The following IGF2BP2 variants were observed in gnomAD, a reference collection of about 807,000 sequenced individuals.
The protein encoded by IGF2BP2 is insulin like growth factor 2 mRNA binding protein 2, also known as insulin-like growth factor 2 mRNA-binding protein 2.
IGF2BP2 carries 17 observed loss-of-function variants against 75.8 expected under a neutral mutation model. The observed-to-expected ratio is 0.22, with a 90% CI of 0.15 to 0.34. IGF2BP2 has a LOEUF of 0.34. IGF2BP2 is among the 10% of genes least tolerant of loss of function. The pLI, the probability that IGF2BP2 is intolerant of heterozygous loss-of-function variation, is 1.00. For synonymous variants in IGF2BP2, 288 were observed against 295.6 expected, an observed-to-expected ratio of 0.97 and a Z score of 0.26; for missense variants, 516 against 772.4, an observed-to-expected ratio of 0.67 and a Z score of 3.93.
chr3:185,807,963 A>G (rs1739246557), intron 2 of IGF2BP2, among the ~76,000 whole-genome samples: 1 of 152,180 alleles, frequency 6.6e-6, no homozygotes, highest in African/African-American at 2.4e-5. Context: ...GATCCTCAGG[A>G]AACATGTGAG....
chr3:185,665,362 G>A (rs1717248548), intron 10 of IGF2BP2, among the ~76,000 whole-genome samples: 1 of 129,374 alleles, frequency 7.7e-6, no homozygotes. Flanking sequence ...GGAGGAGAAG[G>A]AGGAGGAGGA....
chr3:185,725,371 T>C (rs1281647665), intron 2 of IGF2BP2, among the ~76,000 whole-genome samples: 2 of 152,232 alleles, frequency 1.3e-5, no homozygotes, highest in African/African-American at 2.4e-5. Context: ...TGGGCTGAGG[T>C]TGTCGGCAGG....
At chr3:185,675,948 T>TA in intron 7 of IGF2BP2, 35 bp from the exon 8 acceptor site, 1 of 1,610,448 alleles carries the variant, frequency 6.2e-7, no homozygotes, top group Non-Finnish European at 8.5e-7. Context: ...ACACTTCAGA[T>TA]ACGTATAACG....
chr3:185,706,240 C>A (rs572379408), intron 2 of IGF2BP2, among the ~76,000 whole-genome samples: 33 of 152,162 alleles, frequency 2.2e-4, no homozygotes, highest in African/African-American at 7.9e-4. Context: ...TAATACTATT[C>A]ATTTTTTAAT....
At chr3:185,798,033 CTCTATTAAGAA>C (rs930277762) in intron 2 of IGF2BP2, among the ~76,000 whole-genome samples, 5 of 151,822 alleles carry the variant, frequency 3.3e-5, no homozygotes, top group African/African-American at 1.2e-4. Flanking sequence ...GAAATCCCAT[CTCTATTAAGAA>C]TATAAAATTA....
intron 7 of IGF2BP2, among the ~76,000 whole-genome samples, chr3:185,685,066 G>A (rs974938603): frequency 6.6e-6 from 1 of 152,158 alleles, no homozygotes; most frequent in Non-Finnish European, 1.5e-5. Flanking sequence ...CAAGGAAGGT[G>A]GCTGGGCGCA....
chr3:185,767,421 A>G (rs1024960456), intron 2 of IGF2BP2, among the ~76,000 whole-genome samples: 1 of 152,224 alleles, frequency 6.6e-6, no homozygotes, highest in Non-Finnish European at 1.5e-5. Context: ...TCCCATTTCC[A>G]TAAGATGTTA....
At chr3:185,777,170 C>A (rs1402475891) in intron 2 of IGF2BP2, among the ~76,000 whole-genome samples, 2 of 152,072 alleles carry the variant, frequency 1.3e-5, no homozygotes, top group Non-Finnish European at 1.5e-5. Flanking sequence ...TTGGAAACTG[C>A]AACTTTAAGC....
At chr3:185,735,140 T>C (rs1728688076) in intron 2 of IGF2BP2, among the ~76,000 whole-genome samples, 1 of 145,198 alleles carries the variant, frequency 6.9e-6, no homozygotes, top group Non-Finnish European at 1.5e-5. Flanking sequence ...GAAAATACAT[T>C]TAAATCCTTT....
At chr3:185,714,721 G>C (rs1725334047) in intron 2 of IGF2BP2, among the ~76,000 whole-genome samples, 1 of 152,304 alleles carries the variant, frequency 6.6e-6, no homozygotes. Flanking sequence ...GCCAAGTCGA[G>C]AGGATTGCTT....
chr3:185,649,318 C>T lies in IGF2BP2; in HGVS notation c.1593+85G>A, dbSNP rs1190895229. 50 of 1,538,072 alleles carry T rather than the reference C, an allele frequency of 3.3e-5. No homozygotes were observed. In the East Asian group the frequency reaches 6.5e-4, roughly 20 times the overall value. The stretch of plus-strand genomic sequence containing the variant: ...CCTGACTGTACATTGGGACAGAAGG[C>T]GCCAAGGGGAGACTGAGGGAACTCA... On this transcript the variant is annotated intron_variant, in intron 14 of 15. Coordinates refer to ENST00000382199, the MANE Select transcript of IGF2BP2 (RefSeq NM_006548.6).
At chr3:185,675,018 T>C (rs531299248) in intron 9 of IGF2BP2, 16 of 178,246 alleles carry the variant, frequency 9.0e-5, no homozygotes, top group Admixed American at 5.7e-4. Context: ...TCTTTTTTTT[T>C]TTTTTTTTTT....
chr3:185,689,884 C>T (rs945196276), intron 5 of IGF2BP2, among the ~76,000 whole-genome samples: 73 of 149,156 alleles, frequency 4.9e-4, no homozygotes, highest in African/African-American at 5.0e-5. Context: ...AGGAGAATGG[C>T]GTGAACCCGG....
At chr3:185,779,738 C>T (rs766178812) in intron 2 of IGF2BP2, among the ~76,000 whole-genome samples, 3 of 146,454 alleles carry the variant, frequency 2.0e-5, no homozygotes, top group African/African-American at 8.1e-5. Context: ...TCTAGACCAC[C>T]GTAACTGTCC....
chr3:185,818,573 A>G (rs1022172828), intron 2 of IGF2BP2, among the ~76,000 whole-genome samples: 1 of 152,192 alleles, frequency 6.6e-6, no homozygotes. Flanking sequence ...TCCCCAACAA[A>G]AAACATATAC....
intron 5 of IGF2BP2, 141 bp from the exon 6 acceptor site, chr3:185,689,768 A>C (rs2149321353): frequency 1.1e-6 from 1 of 891,292 alleles, no homozygotes; most frequent in Non-Finnish European, 1.8e-6. Flanking sequence ...GGAGATCGAG[A>C]CCATCCCGGC....
At chr3:185,698,491 C>G (rs1233664315) in intron 2 of IGF2BP2, 144 bp from the exon 3 acceptor site, 8 of 710,498 alleles carry the variant, frequency 1.1e-5, no homozygotes, top group Non-Finnish European at 1.9e-5. Context: ...TACTGTGAAT[C>G]ATGAGCATAG....
intron 6 of IGF2BP2, 93 bp downstream of exon 6, chr3:185,689,262 G>T: frequency 1.5e-6 from 2 of 1,336,628 alleles, no homozygotes; most frequent in Middle Eastern, 2.7e-4. Context: ...CCCCACTGCT[G>T]ATGTAAGCAA....
chr3:185,787,628 G>A (rs1004673909), intron 2 of IGF2BP2, among the ~76,000 whole-genome samples: 1 of 152,054 alleles, frequency 6.6e-6, no homozygotes, highest in African/African-American at 2.4e-5. Flanking sequence ...TGCTACTCAG[G>A]AGGCCGTGGC....
Sources: allele counts gnomAD v4.1 joint callset (sites outside exome capture counted in the v4.1 genomes callset), GRCh38; gene constraint gnomAD v4.1.1; transcripts MANE v1.5; gene names NCBI Gene and HGNC (gene_info 2026-07-23, HGNC 2026-07-21).